Variants in AP5Z1 observed in about 807,000 individuals in gnomAD.
AP5Z1 encodes the protein AP-5 complex subunit zeta-1.
A neutral mutation model predicts 83.0 loss-of-function variants in AP5Z1; 106 were observed. The ratio of observed to expected loss-of-function variants is 1.28; its 90% CI spans 1.09 to 1.50. The LOEUF (loss-of-function observed/expected upper bound fraction) is 1.50. Among genes scored for constraint, AP5Z1 ranks in the 40% most tolerant of loss-of-function variants. AP5Z1 has a pLI of 0.00. For synonymous variants in AP5Z1, 751 were observed against 514.1 expected (o/e 1.46, Z -6.23); for missense variants, 1,565 against 1,094.2 (o/e 1.43, Z -6.07).
chr7:4,783,243 C>T, intron 3 of AP5Z1, 73 bp from the exon 4 acceptor site: 1 of 1,490,218 alleles, frequency 6.7e-7, no homozygotes, highest in Non-Finnish European at 9.0e-7. Context: ...GAGTGTCACA[C>T]AGACTTCCGA....
chr7:4,776,904 G>A (rs555209251), intron 1 of AP5Z1, among the ~76,000 whole-genome samples: 1 of 152,186 alleles, frequency 6.6e-6, no homozygotes, highest in Admixed American at 6.5e-5. Flanking sequence ...CTGGGTGACA[G>A]AACGAGACTC....
In AP5Z1 at chr7:4,792,145, CG is replaced by C. The variant is rs1294938065; in HGVS notation, c.*762del. ...CGCGAAGGGGAGGTGTCTGGGCGTG[CG>C]GCCCCAGCCCCGCCACCTTCCTGGG... On this transcript the variant is annotated 3_prime_UTR_variant, in exon 17 of 17. Coordinates refer to ENST00000649063, the MANE Select transcript of AP5Z1 (RefSeq NM_014855.3). The C allele has an allele frequency of 2.0e-5, 3 of 152,204 alleles. No individual in the cohort carries two copies. The highest frequency in any genetic ancestry group is 7.2e-5 in the African/African-American group (3 of 41,440). 9.4% of individuals were successfully genotyped at this position (152,204 alleles called of 1,614,324 possible).
intron 11 of AP5Z1, 70 bp downstream of exon 11, chr7:4,787,846 C>G (rs150404458): frequency 6.8e-7 from 1 of 1,471,730 alleles, no homozygotes; most frequent in East Asian, 2.5e-5. Context: ...GCCCCCTCCT[C>G]GCTGCTCCTG....
intron 6 of AP5Z1, 55 bp downstream of exon 6, chr7:4,784,426 G>T: frequency 6.5e-7 from 1 of 1,533,140 alleles, no homozygotes; most frequent in Admixed American, 1.9e-5. Flanking sequence ...GCGCACTATG[G>T]GTTGGTCGCA....
intron 12 of AP5Z1, 100 bp from the exon 13 acceptor site, chr7:4,788,740 C>A: frequency 9.6e-7 from 1 of 1,044,644 alleles, no homozygotes; most frequent in Admixed American, 2.7e-5. Flanking sequence ...AGGATGGGAG[C>A]GGGCTCAGCT....
chr7:4,791,542 GC>G lies in AP5Z1; in HGVS notation c.*163del, dbSNP rs202085734. ...GCACCCTCACAGACACGCGGGGCTG[GC>G]CCCCCTGCTCACCCTCTGGGCTTTG... On this transcript the variant is annotated 3_prime_UTR_variant, in exon 17 of 17. Coordinates refer to ENST00000649063, the MANE Select transcript of AP5Z1 (RefSeq NM_014855.3). 220 of 1,115,480 alleles carry G rather than the reference GC, an allele frequency of 2.0e-4. 1 individual carries two copies. The African/African-American group carries it at 2.8e-3, about 14-fold the overall frequency. 69.1% of individuals were successfully genotyped at this position (1,115,480 alleles called of 1,614,324 possible).
Position 4,787,514 on chromosome 7 carries a change from G to A in AP5Z1, c.1312-120G>A, listed in dbSNP as rs577070981. On this transcript the variant is annotated intron_variant, in intron 10 of 16. Coordinates refer to ENST00000649063, the MANE Select transcript of AP5Z1 (RefSeq NM_014855.3). ...AAAATAAAAAGCGGGAGGAGGCAAA[G>A]GTAGAAGCCCTCCTGGGGACTGCAG... 2.0e-5 allele frequency: 28 copies of A among 1,396,954 alleles called. No homozygotes were observed. The South Asian group carries it at 2.8e-4, about 14-fold the overall frequency. The allele number at this position is 1,396,954 out of a possible 1,614,324, so 86.5% of individuals were successfully genotyped here.
intron 5 of AP5Z1, 96 bp from the exon 6 acceptor site, chr7:4,784,107 C>T: frequency 7.1e-7 from 1 of 1,404,616 alleles, no homozygotes; most frequent in Non-Finnish European, 9.5e-7. Flanking sequence ...CATGTTCAGG[C>T]AGCTTCTCCT....
Position 4,790,790 on chromosome 7 carries a change from C to A in AP5Z1, c.2056C>A (p.Pro686Thr). The change falls in exon 16 of 17, where the codon CCC becomes ACC. Residue 686 changes from proline (P) to threonine (T), a missense_variant. Transcript: ENST00000649063. ...GCTATTCGAGGTCACCCAGTGCCGC[C>A]CCTCTGCTGCCCTGCCCAGGTGTCC... ...ALLFEVTQCR[P>T]SAALPRCPPQ... The A allele has an allele frequency of 6.2e-7, 1 of 1,608,958 alleles. No individual in the cohort carries two copies.
Position 4,783,321 on chromosome 7 carries a change from C to G in AP5Z1, c.372C>G (p.Asp124Glu). The change falls in exon 4 of 17, where the codon GAC (aspartate) becomes GAG (glutamate). Residue 124 changes from aspartate to glutamate, a missense_variant. Coordinates refer to ENST00000649063, the MANE Select transcript of AP5Z1 (RefSeq NM_014855.3). ...TTGCCCTGTTTGATTTGAAGGGTGA[C>G]AGAAACGAGGAGGTCAGAGCCGTGG... ...LVASVLLAQG[D>E]RNEEVRAVGQ... 2 of 1,606,942 alleles carry G rather than the reference C, an allele frequency of 1.2e-6. No individual in the cohort carries two copies. The highest frequency in any genetic ancestry group is 1.3e-5 in the African/African-American group (1 of 74,928).
Position 4,791,354 on chromosome 7 carries a change from T to G in AP5Z1, c.2393T>G (p.Val798Gly), listed in dbSNP as rs1185378538. ...GCCCTGCGCACGGTCAGCCGGCTGG[T>G]GGAGAGGGAGGCCGGCCTCATGCCA... ...PLALRTVSRL[V>G]EREAGLMPG The change falls in exon 17 of 17, where the codon GTG becomes GGG. Residue 798 changes from valine (V) to glycine (G), a missense_variant. Val to Gly is a moderately radical substitution (Grantham distance 109). Transcript: ENST00000649063. 9.3e-6 allele frequency: 15 copies of G among 1,608,184 alleles called. No homozygotes were observed. Among genetic ancestry groups the G allele is most frequent in the Non-Finnish European group, 1.3e-5 (15 of 1,177,940 alleles).
Position 4,792,672 on chromosome 7 carries a change from CCCAGGGCCGCTGAG to C in AP5Z1, c.*1290_*1303del, listed in dbSNP as rs1781822592. 2 of 152,228 alleles carry C rather than the reference CCCAGGGCCGCTGAG, an allele frequency of 1.3e-5. No individual in the cohort carries two copies. The highest frequency in any genetic ancestry group is 2.9e-5 in the Non-Finnish European group (2 of 68,040). 9.4% of individuals were successfully genotyped at this position (152,228 alleles called of 1,614,324 possible). ...TGTCCCCCGCGGCCTGCGATGACAG[CCCAGGGCCGCTGAG>C]CCGGGGCCGCAGGAAAGGCTGGCGC... On this transcript the variant is annotated 3_prime_UTR_variant, in exon 17 of 17. Coordinates refer to ENST00000649063, the MANE Select transcript of AP5Z1 (RefSeq NM_014855.3).
Position 4,775,681 on chromosome 7 carries a change from T to G in AP5Z1, c.-35T>G, listed in dbSNP as rs779139995. 6.2e-7 allele frequency: 1 copy of G among 1,606,030 alleles called. No homozygotes were observed. Among genetic ancestry groups the G allele is most frequent in the East Asian group, 2.2e-5 (1 of 44,854 alleles). On this transcript the variant is annotated 5_prime_UTR_variant, in exon 1 of 17. Coordinates refer to ENST00000649063, the MANE Select transcript of AP5Z1 (RefSeq NM_014855.3). ...CTCCTGGGCTGCAGCTCCTGGAGTT[T>G]CCGAGGTTCGTGCGCGTCTGGTGGC...
Position 4,775,879 on chromosome 7 carries a change from C to A in AP5Z1, c.41+123C>A, listed in dbSNP as rs149340431. The A allele has an allele frequency of 1.0e-3, 1,424 of 1,386,702 alleles. 6 individuals carry two copies. The highest frequency in any genetic ancestry group is 7.1e-3 in the African/African-American group (492 of 68,878). The allele number at this position is 1,386,702 out of a possible 1,614,324, so 85.9% of individuals were successfully genotyped here. ...GCAGGAACCCGACTGGACTCGCCCT[C>A]GAGACTTGGGGATCGGGTAAGGCAA... On this transcript the variant is annotated intron_variant, in intron 1 of 16. Coordinates refer to ENST00000649063, the MANE Select transcript of AP5Z1 (RefSeq NM_014855.3).
chr7:4,791,736 A>G lies in AP5Z1; in HGVS notation c.*351A>G, dbSNP rs1781782193. ...TGATGGGCAAGAAGAGCTGCAGTAAAAGTAAATCTCCTTTAATAAGCGTCT... is the reference window on the plus strand; with the variant it reads ...TGATGGGCAAGAAGAGCTGCAGTAAGAGTAAATCTCCTTTAATAAGCGTCT... On this transcript the variant is annotated 3_prime_UTR_variant, in exon 17 of 17. Transcript: ENST00000649063. 1 of 349,912 alleles carries G rather than the reference A, an allele frequency of 2.9e-6. No individual in the cohort carries two copies. 21.7% of individuals were successfully genotyped at this position (349,912 alleles called of 1,614,324 possible).
chr7:4,779,167 CATAT>C (rs879933187), intron 1 of AP5Z1, among the ~76,000 whole-genome samples: 1 of 141,406 alleles, frequency 7.1e-6, no homozygotes. Flanking sequence ...AACTATATAA[CATAT>C]ATAACATAAC....
At chr7:4,781,390 G>A (rs1469708609) in intron 2 of AP5Z1, 78 bp downstream of exon 2, 3 of 1,599,068 alleles carry the variant, frequency 1.9e-6, no homozygotes, top group South Asian at 1.1e-5. Context: ...GCAGGTCACT[G>A]CAGATGCTCC....
intron 14 of AP5Z1, 186 bp from the exon 15 acceptor site, chr7:4,790,273 G>A (rs1781715832): frequency 6.5e-7 from 1 of 1,544,022 alleles, no homozygotes; most frequent in African/African-American, 1.4e-5. Context: ...GGCCAGCGCT[G>A]GTGCCAGCCT....
intron 1 of AP5Z1, among the ~76,000 whole-genome samples, chr7:4,776,100 G>C (rs911880832): frequency 2.6e-5 from 4 of 152,066 alleles, no homozygotes; most frequent in Non-Finnish European, 5.9e-5. Context: ...GTGCCTCACA[G>C]TCAAGAACGC....
Sources: gnomAD v4.1 joint callset for allele counts (sites outside exome capture counted in the v4.1 genomes callset) on GRCh38, gnomAD v4.1.1 for gene constraint, MANE v1.5 for transcripts, NCBI Gene and HGNC (gene_info 2026-07-23, HGNC 2026-07-21) for gene names.